TOP6BL: variants seen among roughly 807,000 people sequenced by gnomAD.
TOP6BL encodes type 2 DNA topoisomerase 6 subunit B-like.
chr11:66,790,535 A>C, the TOP6BL span, among the ~76,000 whole-genome samples: 1 of 152,226 alleles, frequency 6.6e-6, no homozygotes, highest in Non-Finnish European at 1.5e-5. Flanking sequence ...TCAGAGTGAT[A>C]AAGTTTCTCT....
At chr11:66,786,558 A>C in the TOP6BL span, among the ~76,000 whole-genome samples, 1 of 152,194 alleles carries the variant, frequency 6.6e-6, no homozygotes. Flanking sequence ...AAATATCTAC[A>C]CAATTTATTT....
chr11:66,765,343 G>A, the TOP6BL span, among the ~76,000 whole-genome samples: 2 of 152,198 alleles, frequency 1.3e-5, no homozygotes, highest in African/African-American at 4.8e-5. Flanking sequence ...TAAAGTGTGA[G>A]TGGCTAACTC....
At chr11:66,764,642 G>C in the TOP6BL span, among the ~76,000 whole-genome samples, 1 of 149,244 alleles carries the variant, frequency 6.7e-6, no homozygotes, top group African/African-American at 2.5e-5. Context: ...TCCAGCTCGG[G>C]CGACAATGCG....
the TOP6BL span, chr11:66,761,587 G>C: frequency 8.5e-7 from 1 of 1,174,090 alleles, no homozygotes; most frequent in Non-Finnish European, 1.2e-6. Flanking sequence ...ACTGGCTCTT[G>C]ACAAAACTTT....
the TOP6BL span, among the ~76,000 whole-genome samples, chr11:66,773,864 G>A: frequency 1.3e-5 from 2 of 151,952 alleles, no homozygotes; most frequent in Non-Finnish European, 1.5e-5. Flanking sequence ...AGCCTCCCGA[G>A]TAGCTGGGAT....
the TOP6BL span, among the ~76,000 whole-genome samples, chr11:66,791,835 T>G: frequency 4.0e-5 from 6 of 151,238 alleles, no homozygotes; most frequent in Non-Finnish European, 7.4e-5. Context: ...TTTTTTTTTT[T>G]GGGAGGGAGT....
the TOP6BL span, chr11:66,843,051 C>G: frequency 8.3e-6 from 13 of 1,563,178 alleles, no homozygotes; most frequent in Non-Finnish European, 1.1e-5. Context: ...GCAGGGCGAG[C>G]CTCGGAAGCC....
the TOP6BL span, among the ~76,000 whole-genome samples, chr11:66,799,108 G>A: frequency 6.6e-6 from 1 of 151,402 alleles, no homozygotes; most frequent in Admixed American, 6.6e-5. Context: ...TCAGGAGGCT[G>A]AGGCAGGAGA....
chr11:66,827,353 T>A, the TOP6BL span, among the ~76,000 whole-genome samples: 1 of 152,180 alleles, frequency 6.6e-6, no homozygotes, highest in African/African-American at 2.4e-5. Flanking sequence ...CCCAGCCCAC[T>A]TCTCCTTTTT....
At chr11:66,840,213 GGTTT>G in the TOP6BL span, among the ~76,000 whole-genome samples, 1 of 152,124 alleles carries the variant, frequency 6.6e-6, no homozygotes, top group Non-Finnish European at 1.5e-5. Context: ...AGGAGCCTTT[GGTTT>G]GTCAGTCCTT....
chr11:66,815,440 G>T, the TOP6BL span, among the ~76,000 whole-genome samples: 2 of 152,146 alleles, frequency 1.3e-5, no homozygotes, highest in African/African-American at 4.8e-5. Context: ...AGTGACCACT[G>T]GGCAATGGAT....
the TOP6BL span, chr11:66,748,578 T>C: frequency 0.056 from 72,920 of 1,297,130 alleles, 2,512 homozygotes; most frequent in East Asian, 0.1. Context: ...TCGTAGCTTA[T>C]TTAAAAATTT....
the TOP6BL span, chr11:66,813,726 C>T: frequency 8.3e-6 from 6 of 719,982 alleles, no homozygotes; most frequent in Non-Finnish European, 1.3e-5. Context: ...GAGCGAGACT[C>T]CATCTCAAAA....
the TOP6BL span, among the ~76,000 whole-genome samples, chr11:66,792,589 T>A: frequency 1.3e-5 from 2 of 152,244 alleles, no homozygotes; most frequent in African/African-American, 4.8e-5. Flanking sequence ...AGCTCTAGGT[T>A]TGAATCCCAG....
the TOP6BL span, among the ~76,000 whole-genome samples, chr11:66,764,845 T>A: frequency 6.6e-6 from 1 of 151,622 alleles, no homozygotes; most frequent in South Asian, 2.1e-4. Context: ...TAGGTGTGCC[T>A]GGGGTCCCAG....
chr11:66,842,931 G>A, the TOP6BL span: 1 of 1,559,880 alleles, frequency 6.4e-7, no homozygotes, highest in Non-Finnish European at 8.7e-7. Context: ...GCTCTGCCAG[G>A]GCCCCGAGCC....
the TOP6BL span, chr11:66,762,172 A>G: frequency 3.8e-6 from 3 of 788,890 alleles, no homozygotes; most frequent in Non-Finnish European, 6.7e-6. Context: ...AATCAATCAA[A>G]GCTTTGTCTC....
the TOP6BL span, among the ~76,000 whole-genome samples, chr11:66,760,531 C>T: frequency 1.4e-5 from 2 of 146,074 alleles, no homozygotes; most frequent in Non-Finnish European, 3.0e-5. Flanking sequence ...GTAATCCCAG[C>T]ACTTTAGGAG....
chr11:66,800,947 A>C, the TOP6BL span: 1 of 1,414,574 alleles, frequency 7.1e-7, no homozygotes, highest in South Asian at 1.2e-5. Context: ...CTGGGGTGGT[A>C]GTAGTCATGG....
Sources: allele counts gnomAD v4.1 joint callset (sites outside exome capture counted in the v4.1 genomes callset), GRCh38; gene constraint gnomAD v4.1.1; transcripts MANE v1.5; gene names NCBI Gene and HGNC (gene_info 2026-07-23, HGNC 2026-07-21).